FASTKD1: variants seen among roughly 807,000 people sequenced by gnomAD.
FASTKD1 encodes FAST kinase domain-containing protein 1, mitochondrial.
Under a neutral mutation model 90.9 loss-of-function variants are expected in FASTKD1, and 94 were observed. The observed-to-expected ratio is 1.03, with a 90% CI of 0.88 to 1.23. The LOEUF is 1.23. Among genes scored for constraint, FASTKD1 ranks in the 50% most tolerant of loss-of-function variants. The probability of loss-of-function intolerance (pLI) is 0.00; values close to 1 mark genes in which losing one functional copy is unlikely to be tolerated. For synonymous variants in FASTKD1, 319 were observed against 345.8 expected (o/e 0.92, Z 0.86); for missense variants, 945 against 993.5 (o/e 0.95, Z 0.66).
chr2:169,565,391 T>C (rs1255605816), intron 3 of FASTKD1, among the ~76,000 whole-genome samples: 4 of 149,660 alleles, frequency 2.7e-5, no homozygotes, highest in Non-Finnish European at 5.9e-5. Flanking sequence ...GCCTCAGGAG[T>C]AGCTGGGACT....
At chr2:169,564,932 T>C (rs1683883878) in intron 3 of FASTKD1, among the ~76,000 whole-genome samples, 1 of 151,544 alleles carries the variant, frequency 6.6e-6, no homozygotes, top group East Asian at 1.9e-4. Flanking sequence ...TACCCCATTG[T>C]GTATATATAC....
At chr2:169,570,476 A>T (rs368744660) in intron 2 of FASTKD1, among the ~76,000 whole-genome samples, 2 of 152,010 alleles carry the variant, frequency 1.3e-5, no homozygotes. Flanking sequence ...CATAATTTGT[A>T]TAACATTGTT....
intron 4 of FASTKD1, among the ~76,000 whole-genome samples, chr2:169,561,169 G>A (rs1408370181): frequency 6.6e-6 from 1 of 151,304 alleles, no homozygotes. Flanking sequence ...GTGGTGGCGA[G>A]CACCTGTAAT....
chr2:169,562,073 A>ATAATTATTTATTAATTTATTTTAAAT lies in FASTKD1; in HGVS notation c.572+1151_572+1152insATTTAAAATAAATTAATAAATAATTA, dbSNP rs1683710724. On this transcript the variant is annotated intron_variant, in intron 4 of 14. Coordinates refer to ENST00000453153, the MANE Select transcript of FASTKD1 (RefSeq NM_024622.6). ...TAATTATTTATTAATTTATTGTAAA[A>ATAATTATTTATTAATTTATTTTAAAT]TAATTATTTATTAATTTATTGTAAA... Among the ~76,000 whole-genome samples, 2 of 30,962 alleles carry ATAATTATTTATTAATTTATTTTAAAT rather than the reference A, an allele frequency of 6.5e-5. 1 individual carries two copies. The allele number at this position is 30,962 out of a possible 152,430, so 20.3% of individuals were successfully genotyped here.
At chr2:169,541,264 A>G (rs1684944357) in intron 9 of FASTKD1, among the ~76,000 whole-genome samples, 1 of 152,220 alleles carries the variant, frequency 6.6e-6, no homozygotes, top group Admixed American at 6.5e-5. Flanking sequence ...TAAAAACTCA[A>G]AGCTGTACTT....
chr2:169,560,658 T>C lies in FASTKD1; in HGVS notation c.700A>G (p.Ile234Val). 1.2e-6 allele frequency: 2 copies of C among 1,613,374 alleles called. No individual in the cohort carries two copies. Among genetic ancestry groups the C allele is most frequent in the Non-Finnish European group, 1.7e-6 (2 of 1,179,804 alleles). The change falls in exon 5 of 15, where the codon ATA becomes GTA. Residue 234 changes from isoleucine to valine, a missense_variant. Physicochemically the swap from Ile to Val is conservative, Grantham distance 29 (BLOSUM62 3). Transcript: ENST00000453153. ...CTAACATTTCGAAGAAACTTTGCTA[T>C]GCTTTTTGCAACGTTGACCTCAGAA... ...DSSEVNVAKS[I>V]AKFLRNVRYR...
At chr2:169,571,437 G>C (rs192197809) in intron 2 of FASTKD1, among the ~76,000 whole-genome samples, 1 of 151,520 alleles carries the variant, frequency 6.6e-6, no homozygotes, top group African/African-American at 2.4e-5. Flanking sequence ...GGTGGCAGGC[G>C]CCTGTAGTCC....
intron 9 of FASTKD1, among the ~76,000 whole-genome samples, chr2:169,540,748 C>T (rs143589900): frequency 4.3e-3 from 647 of 152,224 alleles, no homozygotes; most frequent in Middle Eastern, 6.8e-3. Context: ...GAGTTGGCAG[C>T]GGAGAGTAGG....
chr2:169,563,494 T>A (rs1296262995), intron 3 of FASTKD1, 144 bp from the exon 4 acceptor site: 2 of 456,130 alleles, frequency 4.4e-6, no homozygotes, highest in Admixed American at 8.9e-5. Context: ...AAAAGTAACA[T>A]GGCAACAGTT....
At chr2:169,556,774 C>A (rs1489335490) in intron 6 of FASTKD1, among the ~76,000 whole-genome samples, 4 of 151,132 alleles carry the variant, frequency 2.6e-5, no homozygotes, top group Non-Finnish European at 5.9e-5. Context: ...TTGCAGTGAG[C>A]CGAGATGGCA....
At position 169,546,456 on chromosome 2, in the gene FASTKD1, C is replaced by T. The variant is rs778374802; in HGVS notation, c.1463G>A (p.Arg488His). Residue 488 changes from arginine (R) to histidine (H), a missense_variant, in exon 8 of 15, where the codon CGT becomes CAT. Transcript: ENST00000453153. ...KLLQKLDHYG[R>H]QRLQHSNSLD... ...ACTGTTGCTGTGTTGTAGTCTCTGA[C>T]GACCATAGTGATCTAATTTTTGAAG... 62 of 1,614,014 alleles carry T rather than the reference C, an allele frequency of 3.8e-5. No homozygotes were observed. Among genetic ancestry groups the T allele is most frequent in the Non-Finnish European group, 4.6e-5 (54 of 1,180,034 alleles).
intron 5 of FASTKD1, among the ~76,000 whole-genome samples, chr2:169,559,460 T>A (rs1337069602): frequency 1.3e-5 from 2 of 152,042 alleles, no homozygotes; most frequent in Non-Finnish European, 2.9e-5. Flanking sequence ...AGACAAGGTT[T>A]CATTCTGTGC....
At chr2:169,565,324 G>T (rs1282027123) in intron 3 of FASTKD1, among the ~76,000 whole-genome samples, 9 of 137,034 alleles carry the variant, frequency 6.6e-5, no homozygotes, top group Non-Finnish European at 1.2e-4. Context: ...GTGCAGTGGC[G>T]CGATCTCGGC....
At chr2:169,553,751 A>G (rs1559150144) in intron 7 of FASTKD1, among the ~76,000 whole-genome samples, 1 of 151,540 alleles carries the variant, frequency 6.6e-6, no homozygotes, top group African/African-American at 2.4e-5. Flanking sequence ...CCCCATCTCT[A>G]CTAAAAAAAA....
At chr2:169,573,581 C>G (rs1238056267) in intron 1 of FASTKD1, 88 bp downstream of exon 1, 1 of 152,278 alleles carries the variant, frequency 6.6e-6, no homozygotes, top group Non-Finnish European at 1.5e-5. Context: ...AGGAAGCCTC[C>G]GTATCTCAAC....
chr2:169,553,687 G>A (rs1160951478), intron 7 of FASTKD1, among the ~76,000 whole-genome samples: 1 of 152,164 alleles, frequency 6.6e-6, no homozygotes, highest in African/African-American at 2.4e-5. Context: ...GGAGGCTGAG[G>A]CGGGCAGACC....
At position 169,537,270 on chromosome 2, in the gene FASTKD1, A is replaced by G. The variant is rs756527039; in HGVS notation, c.2145T>C (p.Asn715=). The G allele has an allele frequency of 1.6e-5, 26 of 1,613,484 alleles. No individual in the cohort carries two copies. Among genetic ancestry groups the G allele is most frequent in the South Asian group, 2.2e-5 (2 of 91,054 alleles). ...KMLAEVLGGI[N]CVKASVLTPY... is the part of the protein sequence containing the mutation. ...GCGTAAGAACCGAGGCTTTTACACA[A>G]TTGATTCCTCCTAGTACCTCTGCTA... Residue 715 remains asparagine (N), a synonymous_variant, in exon 12 of 15, where the codon AAT becomes AAC. Coordinates refer to ENST00000453153, the MANE Select transcript of FASTKD1 (RefSeq NM_024622.6).
At chr2:169,552,451 T>C (rs890451830) in intron 7 of FASTKD1, among the ~76,000 whole-genome samples, 2 of 152,132 alleles carry the variant, frequency 1.3e-5, no homozygotes, top group Admixed American at 1.3e-4. Context: ...AATTGACAAC[T>C]GCAAAGATGT....
intron 9 of FASTKD1, 58 bp downstream of exon 9, chr2:169,544,663 G>T: frequency 1.1e-6 from 1 of 923,758 alleles, no homozygotes; most frequent in Non-Finnish European, 1.8e-6. Flanking sequence ...TCCTAGCTCA[G>T]CAGCAACAAG....
Sources: gnomAD v4.1 joint callset for allele counts (sites outside exome capture counted in the v4.1 genomes callset) on GRCh38, gnomAD v4.1.1 for gene constraint, MANE v1.5 for transcripts, NCBI Gene and HGNC (gene_info 2026-07-23, HGNC 2026-07-21) for gene names.